XXYLT1: variants seen among roughly 807,000 people sequenced by gnomAD.
XXYLT1 encodes the protein UDP-xylose:alpha-xyloside alpha-1,3-xylosyltransferase.
XXYLT1 carries 20 observed loss-of-function variants against 28.9 expected under a neutral mutation model. The observed-to-expected ratio is 0.69, with a 90% CI of 0.49 to 1.00. The LOEUF (loss-of-function observed/expected upper bound fraction) is 1.00, where lower values mean the gene tolerates loss of function less well. XXYLT1 is among the 50% of genes least tolerant of loss of function. XXYLT1 has a pLI of 0.00. For missense variants in XXYLT1, 542 were observed against 560.1 expected, an observed-to-expected ratio of 0.97 and a Z score of 0.33; for synonymous variants, 257 against 253.8, an observed-to-expected ratio of 1.01 and a Z score of -0.12.
intron 1 of XXYLT1, among the ~76,000 whole-genome samples, chr3:195,258,135 C>G (rs544166644): frequency 1.3e-5 from 2 of 152,308 alleles, no homozygotes; most frequent in African/African-American, 4.8e-5. Flanking sequence ...AGCGGTCACA[C>G]AGAGGTCACA....
At chr3:195,179,665 C>A (rs769562086) in intron 2 of XXYLT1, among the ~76,000 whole-genome samples, 1 of 151,960 alleles carries the variant, frequency 6.6e-6, no homozygotes, top group Non-Finnish European at 1.5e-5. Flanking sequence ...CAGAAAAACC[C>A]CAAAAACAGA....
intron 3 of XXYLT1, among the ~76,000 whole-genome samples, chr3:195,126,561 G>C (rs187017306): frequency 6.6e-6 from 1 of 152,178 alleles, no homozygotes; most frequent in African/African-American, 2.4e-5. Context: ...TCAATTCTGC[G>C]ACAGTCTCGG....
At chr3:195,105,941 T>C (rs571969043) in intron 3 of XXYLT1, among the ~76,000 whole-genome samples, 1 of 152,352 alleles carries the variant, frequency 6.6e-6, no homozygotes, top group African/African-American at 2.4e-5. Context: ...TTAGTAAGAC[T>C]AAAGCCTTCC....
At chr3:195,247,989 G>A (rs1051014413) in intron 1 of XXYLT1, 7 of 538,828 alleles carry the variant, frequency 1.3e-5, no homozygotes, top group Middle Eastern at 4.8e-4. Context: ...CCTCTGACAC[G>A]TGGGGATTAC....
chr3:195,177,803 C>T (rs1721743875), intron 2 of XXYLT1, among the ~76,000 whole-genome samples: 1 of 152,072 alleles, frequency 6.6e-6, no homozygotes, highest in Admixed American at 6.5e-5. Context: ...ATTAGCTAGG[C>T]ATGCGCCTGT....
At position 195,115,668 on chromosome 3, in the gene XXYLT1, AC is replaced by A. The variant is rs1718005711; in HGVS notation, c.785+40780del. Among the ~76,000 whole-genome samples the A allele has an allele frequency of 6.6e-6, 1 of 151,996 alleles. No individual in the cohort carries two copies. Among genetic ancestry groups the A allele is most frequent in the Non-Finnish European group, 1.5e-5 (1 of 68,022 alleles). ...TCCCTTCATCTGGTGCGGAGCAGTA[AC>A]CCCCTCGTCTGGCTCCGGCAGCACA... On this transcript the variant is annotated intron_variant, in intron 3 of 3. Transcript: ENST00000310380. The surrounding 1 kb of genome is among the most constrained non-coding windows in gnomAD (Gnocchi z 4.2).
At chr3:195,162,787 C>T (rs575464097) in intron 2 of XXYLT1, among the ~76,000 whole-genome samples, 2 of 152,316 alleles carry the variant, frequency 1.3e-5, no homozygotes, top group South Asian at 4.1e-4. Context: ...TTACATAAGA[C>T]AGCACATATA....
At chr3:195,144,152 C>T (rs1380230119) in intron 3 of XXYLT1, among the ~76,000 whole-genome samples, 3 of 150,004 alleles carry the variant, frequency 2.0e-5, no homozygotes, top group African/African-American at 7.3e-5. Flanking sequence ...CCTGGGCCTC[C>T]CAAAGTGCTA....
intron 2 of XXYLT1, among the ~76,000 whole-genome samples, chr3:195,194,888 G>C (rs1263055096): frequency 6.6e-6 from 1 of 152,172 alleles, no homozygotes; most frequent in African/African-American, 2.4e-5. Flanking sequence ...GCAGATCAGT[G>C]ATTGCCCATG....
intron 1 of XXYLT1, among the ~76,000 whole-genome samples, chr3:195,239,454 C>T (rs977724161): frequency 2.0e-5 from 3 of 152,170 alleles, no homozygotes; most frequent in African/African-American, 7.2e-5. Context: ...GCAAGAAGAA[C>T]ATACAACCTG....
At chr3:195,188,667 C>T (rs894772905) in intron 2 of XXYLT1, among the ~76,000 whole-genome samples, 7 of 152,208 alleles carry the variant, frequency 4.6e-5, no homozygotes, top group Admixed American at 2.6e-4. Flanking sequence ...GGCTAAGCCT[C>T]AATTTTGGGG....
chr3:195,108,813 C>T (rs1370235398), intron 3 of XXYLT1, among the ~76,000 whole-genome samples: 2 of 152,158 alleles, frequency 1.3e-5, no homozygotes, highest in African/African-American at 2.4e-5. Flanking sequence ...CAAAATGTTA[C>T]GCAGCATGTG....
At chr3:195,211,031 A>G (rs1304248611) in intron 2 of XXYLT1, among the ~76,000 whole-genome samples, 1 of 152,218 alleles carries the variant, frequency 6.6e-6, no homozygotes, top group Non-Finnish European at 1.5e-5. Context: ...AGGAGTGTTC[A>G]GAGTCCACTG....
At chr3:195,081,443 GC>G (rs1379504172) in intron 3 of XXYLT1, among the ~76,000 whole-genome samples, 2 of 152,176 alleles carry the variant, frequency 1.3e-5, no homozygotes, top group African/African-American at 4.8e-5. Flanking sequence ...CAGGAGGGAG[GC>G]CCAGCTCCGC....
rs770283878 is a variant in XXYLT1 at position 195,173,516 on chromosome 3, C to T, written c.653-16935G>A. Among the ~76,000 whole-genome samples the T allele has an allele frequency of 2.0e-5, 3 of 152,202 alleles. No homozygotes were observed. The highest frequency in any genetic ancestry group is 2.9e-5 in the Non-Finnish European group (2 of 68,042). On this transcript the variant is annotated intron_variant, in intron 2 of 3. Coordinates refer to ENST00000310380, the MANE Select transcript of XXYLT1 (RefSeq NM_152531.5). The surrounding 1 kb of genome is among the most constrained non-coding windows in gnomAD (Gnocchi z 4.3). ...TGCACCTAAAAACGGACATGAAACT[C>T]TATTTTTATTCACTGAATCGTATGC... is the stretch of plus-strand genomic sequence containing the variant.
chr3:195,125,529 G>A (rs1248331160), intron 3 of XXYLT1, among the ~76,000 whole-genome samples: 1 of 152,202 alleles, frequency 6.6e-6, no homozygotes, highest in Admixed American at 6.5e-5. Context: ...ATGGGGAAGA[G>A]CCCAGGAAGG....
chr3:195,110,310 GTGTGTGGGTGAGGGTGAGGTGT>G (rs1560100732), intron 3 of XXYLT1, among the ~76,000 whole-genome samples: 7 of 3,084 alleles, frequency 2.3e-3, no homozygotes, highest in Admixed American at 4.8e-3. Flanking sequence ...TGGTATATGT[GTGTGTGGGTGAGGGTGAGGTGT>G]GTGTATGTGT....
At chr3:195,191,986 T>G (rs1208492963) in intron 2 of XXYLT1, among the ~76,000 whole-genome samples, 1 of 152,170 alleles carries the variant, frequency 6.6e-6, no homozygotes. Flanking sequence ...CTCAATACAA[T>G]CAAGCAACTT....
In XXYLT1 at chr3:195,190,090, A is replaced by T. The variant is rs538561487; in HGVS notation, c.653-33509T>A. Among the ~76,000 whole-genome samples the T allele has an allele frequency of 4.7e-4, 72 of 152,166 alleles. 2 individuals are homozygous for T. Among genetic ancestry groups the T allele is most frequent in the Admixed American group, 5.2e-4 (8 of 15,304 alleles). On this transcript the variant is annotated intron_variant, in intron 2 of 3. Transcript: ENST00000310380. ...AAGCAAAAAGCAAAAAGAAAACATC[A>T]ACCAAGAATTCCGTATCTAGCAAAA...
Sources: allele counts gnomAD v4.1 joint callset (sites outside exome capture counted in the v4.1 genomes callset), GRCh38; gene constraint gnomAD v4.1.1; non-coding constraint Gnocchi (gnomAD v3.1); transcripts MANE v1.5; gene names NCBI Gene and HGNC (gene_info 2026-07-23, HGNC 2026-07-21).